The following NAA16 variants were observed in gnomAD, a reference collection of about 807,000 sequenced individuals.
NAA16 encodes the protein NARG1-like protein.
In NAA16, 97 loss-of-function variants were observed where a neutral mutation model predicts 110.3. The ratio of observed to expected loss-of-function variants is 0.88; its 90% CI spans 0.75 to 1.04. The LOEUF (loss-of-function observed/expected upper bound fraction) is 1.04, where lower values mean the gene tolerates loss of function less well. Among genes scored for constraint, NAA16 ranks in the 50% least tolerant of loss-of-function variants. NAA16 has a pLI of 0.00. For missense variants in NAA16, 1,017 were observed against 1,005.1 expected, an observed-to-expected ratio of 1.01 and a Z score of -0.16; for synonymous variants, 372 against 330.6, an observed-to-expected ratio of 1.13 and a Z score of -1.36.
rs551586616 is a variant in NAA16, at chr13:41,368,668, T to A, written c.1754-422T>A. On this transcript the variant is annotated intron_variant, in intron 14 of 19. Coordinates refer to ENST00000379406, the MANE Select transcript of NAA16 (RefSeq NM_024561.5). ...GGGTGGAACAAATCATAAATATGTT[T>A]TTTTAAATTGCATCTGTACTGAACA... Among the ~76,000 whole-genome samples, 5 of 152,358 alleles carry A rather than the reference T, an allele frequency of 3.3e-5. No individual in the cohort carries two copies. The South Asian group carries it at 1.0e-3, about 32-fold the overall frequency.
At chr13:41,342,462 A>G (rs1310927786) in intron 9 of NAA16, among the ~76,000 whole-genome samples, 1 of 152,180 alleles carries the variant, frequency 6.6e-6, no homozygotes, top group African/African-American at 2.4e-5. Flanking sequence ...ATTATGAATA[A>G]TTGCTTACTG....
chr13:41,367,709 T>A, intron 14 of NAA16, 57 bp downstream of exon 14: 1 of 1,140,864 alleles, frequency 8.8e-7, no homozygotes, highest in Non-Finnish European at 1.2e-6. Context: ...AGAATGCCAT[T>A]AGCGTAAACA....
chr13:41,372,604 TTAA>T, intron 16 of NAA16, 125 bp from the exon 17 acceptor site: 1 of 1,333,484 alleles, frequency 7.5e-7, no homozygotes, highest in Non-Finnish European at 9.6e-7. Context: ...AGAGTCAACT[TTAA>T]TTTTGCTTAC....
chr13:41,341,013 C>G (rs945520602), intron 9 of NAA16, among the ~76,000 whole-genome samples: 6 of 152,106 alleles, frequency 3.9e-5, no homozygotes, highest in Admixed American at 6.5e-5. Context: ...GCACTGTGGT[C>G]TGAGAGACAG....
intron 10 of NAA16, among the ~76,000 whole-genome samples, chr13:41,357,924 C>G (rs992500595): frequency 2.2e-4 from 33 of 152,200 alleles, no homozygotes; most frequent in Non-Finnish European, 3.7e-4. Context: ...CAGTTCTTGC[C>G]TCTGCTGAAA....
intron 14 of NAA16, 81 bp from the exon 15 acceptor site, chr13:41,369,009 A>T: frequency 8.0e-7 from 1 of 1,243,462 alleles, no homozygotes; most frequent in East Asian, 2.4e-5. Flanking sequence ...AGGGACAACC[A>T]TACTAACAGT....
At chr13:41,356,119 A>G (rs960995370) in intron 10 of NAA16, among the ~76,000 whole-genome samples, 1 of 152,198 alleles carries the variant, frequency 6.6e-6, no homozygotes, top group East Asian at 1.9e-4. Context: ...GGCAAGGACT[A>G]CAGGCGTGTG....
intron 15 of NAA16, among the ~76,000 whole-genome samples, chr13:41,370,770 C>T (rs2043300363): frequency 6.6e-6 from 1 of 152,160 alleles, no homozygotes; most frequent in South Asian, 2.1e-4. Flanking sequence ...GTCTTTAATT[C>T]AACCACTAGA....
chr13:41,376,694 A>G lies in NAA16; in HGVS notation c.*1092A>G, dbSNP rs954240267. 3 of 152,248 alleles carry G rather than the reference A, an allele frequency of 2.0e-5. No homozygotes were observed. Among genetic ancestry groups the G allele is most frequent in the African/African-American group, 7.2e-5 (3 of 41,468 alleles). 9.4% of individuals were successfully genotyped at this position (152,248 alleles called of 1,614,324 possible). On this transcript the variant is annotated 3_prime_UTR_variant, in exon 20 of 20. Coordinates refer to ENST00000379406, the MANE Select transcript of NAA16 (RefSeq NM_024561.5). ...CATTGACCATTAAATGCATTTTAAT[A>G]TCTCGGCAAAATGAGATTTGAAACT... is the stretch of plus-strand genomic sequence containing the variant.
chr13:41,339,182 C>T (rs1281564102), intron 9 of NAA16, among the ~76,000 whole-genome samples: 1 of 151,892 alleles, frequency 6.6e-6, no homozygotes, highest in Non-Finnish European at 1.5e-5. Context: ...CTCTTGTTGC[C>T]CAGGCTGGAG....
intron 6 of NAA16, among the ~76,000 whole-genome samples, chr13:41,326,230 C>T (rs542830345): frequency 4.4e-4 from 67 of 152,232 alleles, no homozygotes; most frequent in African/African-American, 1.5e-3. Flanking sequence ...ATACTGGGAT[C>T]ATCATGAACA....
At chr13:41,315,777 A>T (rs2041792777) in intron 1 of NAA16, among the ~76,000 whole-genome samples, 1 of 151,886 alleles carries the variant, frequency 6.6e-6, no homozygotes, top group Non-Finnish European at 1.5e-5. Context: ...TTTTTGCTTA[A>T]ATTTTTTTTT....
At chr13:41,342,095 G>A (rs1007289615) in intron 9 of NAA16, among the ~76,000 whole-genome samples, 17 of 150,286 alleles carry the variant, frequency 1.1e-4, no homozygotes, top group African/African-American at 3.9e-4. Context: ...GCCTCCCAAA[G>A]TGCAGGGATT....
At chr13:41,362,742 C>T (rs1021366431) in intron 13 of NAA16, 23 of 1,289,608 alleles carry the variant, frequency 1.8e-5, no homozygotes, top group Non-Finnish European at 2.2e-5. Context: ...ACTCTCCTTC[C>T]ACATGGACCA....
chr13:41,374,674 G>A (rs2043393078), intron 18 of NAA16, 68 bp from the exon 19 acceptor site: 1 of 1,040,790 alleles, frequency 9.6e-7, no homozygotes, highest in Non-Finnish European at 1.5e-6. Flanking sequence ...GAAGTCACTG[G>A]CCAGTTGATA....
chr13:41,354,110 A>G (rs1232634140), intron 9 of NAA16, among the ~76,000 whole-genome samples: 1 of 152,142 alleles, frequency 6.6e-6, no homozygotes, highest in East Asian at 1.9e-4. Context: ...CTGTTAATGT[A>G]TAGTCCTACC....
intron 4 of NAA16, among the ~76,000 whole-genome samples, chr13:41,322,077 TG>T (rs1429406884): frequency 5.3e-5 from 8 of 152,140 alleles, no homozygotes; most frequent in Admixed American, 6.5e-5. Context: ...TAAAGTGGAT[TG>T]TGAAGTAAAT....
intron 17 of NAA16, 142 bp downstream of exon 17, chr13:41,372,972 A>T: frequency 8.8e-7 from 1 of 1,130,750 alleles, no homozygotes; most frequent in Non-Finnish European, 1.1e-6. Flanking sequence ...TCATGATACA[A>T]ATCCTCTGAT....
rs190630642 is a variant in NAA16, at chr13:41,356,378, T to C, written c.1087+1162T>C. 4.0e-5 allele frequency among the ~76,000 whole-genome samples: 6 copies of C among 151,726 alleles called. No individual in the cohort carries two copies. The East Asian group carries it at 1.2e-3, about 30-fold the overall frequency. ...CTTACTGTTTCATCTGTAAATATCTTAGTGTGCATCTCTATTTAAAACACG... is the reference window on the plus strand; with the variant it reads ...CTTACTGTTTCATCTGTAAATATCTCAGTGTGCATCTCTATTTAAAACACG... On this transcript the variant is annotated intron_variant, in intron 10 of 19. Transcript: ENST00000379406.
Sources: allele counts gnomAD v4.1 joint callset (sites outside exome capture counted in the v4.1 genomes callset), GRCh38; gene constraint gnomAD v4.1.1; transcripts MANE v1.5; gene names NCBI Gene and HGNC (gene_info 2026-07-23, HGNC 2026-07-21).